The following COL5A2 variants were observed in gnomAD, a reference collection of about 807,000 sequenced individuals.
The protein encoded by COL5A2 is collagen type V alpha 2 chain, also known as collagen alpha-2(V) chain.
Under a neutral mutation model 208.2 loss-of-function variants are expected in COL5A2, and 23 were observed. The ratio of observed to expected loss-of-function variants is 0.11; its 90% CI spans 0.08 to 0.16. The LOEUF is 0.16. Ranked by LOEUF, COL5A2 falls within the 10% of genes least tolerant of loss-of-function variation. The probability of loss-of-function intolerance (pLI) is 1.00; values close to 1 mark genes in which losing one functional copy is unlikely to be tolerated. For missense variants in COL5A2, 1,590 were observed against 1,956.4 expected (o/e 0.81, Z 3.53); for synonymous variants, 625 against 628.5 (o/e 0.99, Z 0.08).
chr2:189,211,015 C>G (rs947641725), intron 1 of COL5A2, among the ~76,000 whole-genome samples: 3 of 152,110 alleles, frequency 2.0e-5, no homozygotes, highest in African/African-American at 7.2e-5. Context: ...AGATTTATAA[C>G]TAAGCAGACT....
the COL5A2 span, among the ~76,000 whole-genome samples, chr2:189,329,773 A>G: frequency 6.6e-6 from 1 of 152,222 alleles, no homozygotes; most frequent in Non-Finnish European, 1.5e-5. Context: ...ATGGTAGAGA[A>G]AGAAATAAAA....
In COL5A2 at chr2:189,154,214, C is replaced by T. The variant is rs140333193; in HGVS notation, c.97+25294G>A. Among the ~76,000 whole-genome samples the T allele has an allele frequency of 7.6e-3, 1,164 of 152,196 alleles. 12 individuals are homozygous for T. Among genetic ancestry groups the T allele is most frequent in the African/African-American group, 0.026 (1,076 of 41,532 alleles). ...TATATCAGAAACTCTATTTTTTATT[C>T]TCTAAGACATGATATTTGAAAGTCA... On this transcript the variant is annotated intron_variant, in intron 1 of 53. Transcript: ENST00000374866.
chr2:189,408,790 A>C, the COL5A2 span, among the ~76,000 whole-genome samples: 1 of 152,140 alleles, frequency 6.6e-6, no homozygotes, highest in African/African-American at 2.4e-5. Context: ...TCAATTAACC[A>C]CATTATACTG....
At chr2:189,121,485 T>G (rs1236906688) in intron 1 of COL5A2, among the ~76,000 whole-genome samples, 1 of 151,752 alleles carries the variant, frequency 6.6e-6, no homozygotes, top group South Asian at 2.1e-4. Flanking sequence ...GGTATGTCCA[T>G]GGGAAGGTGC....
chr2:189,388,447 T>G, the COL5A2 span, among the ~76,000 whole-genome samples: 1 of 152,288 alleles, frequency 6.6e-6, no homozygotes, highest in South Asian at 2.1e-4. Flanking sequence ...ATGACTGGCA[T>G]GCAGTGTGAT....
chr2:189,225,737 A>T (rs1250837888), upstream of COL5A2, among the ~76,000 whole-genome samples: 1 of 152,148 alleles, frequency 6.6e-6, no homozygotes, highest in Non-Finnish European at 1.5e-5. Flanking sequence ...CATTTCATAT[A>T]TATGTTCTAA....
At chr2:189,150,616 C>G (rs984598828) in intron 1 of COL5A2, among the ~76,000 whole-genome samples, 1 of 152,056 alleles carries the variant, frequency 6.6e-6, no homozygotes, top group African/African-American at 2.4e-5. Flanking sequence ...CTTGATATAA[C>G]CTCCTACTCC....
the COL5A2 span, among the ~76,000 whole-genome samples, chr2:189,239,964 G>C: frequency 6.6e-6 from 1 of 152,038 alleles, no homozygotes; most frequent in South Asian, 2.1e-4. Flanking sequence ...AGAAATGGAA[G>C]ATAATAACTC....
chr2:189,121,514 C>T (rs1576540614), intron 1 of COL5A2, among the ~76,000 whole-genome samples: 2 of 152,078 alleles, frequency 1.3e-5, no homozygotes, highest in African/African-American at 2.4e-5. Context: ...AGGGGTGGGG[C>T]TCTTGCGGTG....
chr2:189,349,766 G>A, the COL5A2 span, among the ~76,000 whole-genome samples: 2 of 152,084 alleles, frequency 1.3e-5, no homozygotes, highest in African/African-American at 2.4e-5. Flanking sequence ...TCAGATAATA[G>A]AATCCTCAGA....
chr2:189,201,496 A>G (rs1321332526), intron 1 of COL5A2, among the ~76,000 whole-genome samples: 1 of 152,020 alleles, frequency 6.6e-6, no homozygotes, highest in Non-Finnish European at 1.5e-5. Flanking sequence ...GGTACTAACA[A>G]ATATCTAATT....
chr2:189,435,739 C>G, the COL5A2 span, among the ~76,000 whole-genome samples: 8 of 152,194 alleles, frequency 5.3e-5, no homozygotes, highest in African/African-American at 1.7e-4. Context: ...GGACGGTAAA[C>G]TAGTTCAACC....
At chr2:189,292,025 C>A in the COL5A2 span, among the ~76,000 whole-genome samples, 2 of 152,220 alleles carry the variant, frequency 1.3e-5, no homozygotes, top group South Asian at 4.1e-4. Context: ...TCACTTTAAG[C>A]AATGGATAGC....
chr2:189,139,127 A>T (rs914512677), intron 1 of COL5A2, among the ~76,000 whole-genome samples: 6 of 152,026 alleles, frequency 3.9e-5, no homozygotes, highest in Non-Finnish European at 8.8e-5. Flanking sequence ...ATTTAACACC[A>T]GGCTTGGCGC....
intron 4 of COL5A2, 75 bp downstream of exon 4, chr2:189,100,032 A>G: frequency 8.0e-7 from 1 of 1,248,300 alleles, no homozygotes; most frequent in Non-Finnish European, 1.2e-6. Context: ...TATGTACATA[A>G]GCAATAATAT....
the COL5A2 span, among the ~76,000 whole-genome samples, chr2:189,339,276 T>C: frequency 6.6e-6 from 1 of 150,652 alleles, no homozygotes; most frequent in Non-Finnish European, 1.5e-5. Flanking sequence ...GCTTGAACCT[T>C]GGAAGCGGAG....
At chr2:189,384,706 A>G in the COL5A2 span, among the ~76,000 whole-genome samples, 1 of 152,086 alleles carries the variant, frequency 6.6e-6, no homozygotes, top group South Asian at 2.1e-4. Flanking sequence ...TTGTCTCTTC[A>G]ATTTGTTGAT....
At chr2:189,188,861 A>G (rs1482287968) in intron 1 of COL5A2, among the ~76,000 whole-genome samples, 1 of 152,218 alleles carries the variant, frequency 6.6e-6, no homozygotes, top group Non-Finnish European at 1.5e-5. Context: ...TAGAGAGGGC[A>G]GCACAGGGCA....
intron 43 of COL5A2, among the ~76,000 whole-genome samples, chr2:189,049,862 C>T (rs1044754724): frequency 2.0e-5 from 3 of 152,164 alleles, no homozygotes; most frequent in African/African-American, 7.2e-5. Context: ...TCTTGGCTCA[C>T]TTCTGATAAC....
Sources: allele counts gnomAD v4.1 joint callset (sites outside exome capture counted in the v4.1 genomes callset), GRCh38; gene constraint gnomAD v4.1.1; transcripts MANE v1.5; gene names NCBI Gene and HGNC (gene_info 2026-07-23, HGNC 2026-07-21).